OPRD1: variants seen among roughly 807,000 people sequenced by gnomAD.
OPRD1 encodes the protein opioid receptor delta 1.
OPRD1 carries 19 observed loss-of-function variants against 17.5 expected under a neutral mutation model. The ratio of observed to expected loss-of-function variants is 1.09; its 90% CI spans 0.76 to 1.60. The LOEUF (loss-of-function observed/expected upper bound fraction) is 1.60. Among genes scored for constraint, OPRD1 ranks in the 40% most tolerant of loss-of-function variants. The probability of loss-of-function intolerance (pLI) is 0.00; values close to 1 mark genes in which losing one functional copy is unlikely to be tolerated. For missense variants in OPRD1, 483 were observed against 547.2 expected (o/e 0.88, Z 1.17); for synonymous variants, 256 against 240.9 (o/e 1.06, Z -0.58).
intron 1 of OPRD1, among the ~76,000 whole-genome samples, chr1:28,839,429 A>C (rs1447522658): frequency 1.3e-5 from 2 of 152,184 alleles, no homozygotes; most frequent in Non-Finnish European, 2.9e-5. Flanking sequence ...TTGCATTTAT[A>C]GTGAGCAGCT....
chr1:28,849,501 CA>C (rs2088980584), intron 1 of OPRD1, among the ~76,000 whole-genome samples: 1 of 152,178 alleles, frequency 6.6e-6, no homozygotes, highest in South Asian at 2.1e-4. Flanking sequence ...CATACACACA[CA>C]CACATGCACA....
chr1:28,859,358 G>T, intron 2 of OPRD1, 55 bp downstream of exon 2: 1 of 1,456,640 alleles, frequency 6.9e-7, no homozygotes, highest in Non-Finnish European at 9.3e-7. Flanking sequence ...GGCAGTACAT[G>T]GGCCTTTGTG....
At chr1:28,814,484 TG>T (rs1008943994) in intron 1 of OPRD1, among the ~76,000 whole-genome samples, 3 of 152,180 alleles carry the variant, frequency 2.0e-5, no homozygotes, top group Admixed American at 2.0e-4. Context: ...AAGGTGGGCC[TG>T]AGAGTAGCTG....
intron 1 of OPRD1, among the ~76,000 whole-genome samples, chr1:28,843,146 C>T (rs1414752382): frequency 6.6e-6 from 1 of 152,070 alleles, no homozygotes. Flanking sequence ...GTGACTTGCT[C>T]AAGATCACTG....
chr1:28,850,837 G>A (rs970794748), intron 1 of OPRD1, among the ~76,000 whole-genome samples: 1 of 146,114 alleles, frequency 6.8e-6, no homozygotes, highest in South Asian at 2.2e-4. Flanking sequence ...ATAATAAAAG[G>A]TCAATGGAAG....
intron 1 of OPRD1, among the ~76,000 whole-genome samples, chr1:28,831,229 C>T (rs147217300): frequency 1.8e-4 from 28 of 152,214 alleles, no homozygotes; most frequent in African/African-American, 4.8e-4. Flanking sequence ...AGAGAGGGCT[C>T]GGCCTGGTGT....
At chr1:28,837,775 C>G (rs2088865425) in intron 1 of OPRD1, among the ~76,000 whole-genome samples, 1 of 150,808 alleles carries the variant, frequency 6.6e-6, no homozygotes, top group Admixed American at 6.7e-5. Flanking sequence ...CCTCCTACCT[C>G]AGCCTTCCAA....
intron 1 of OPRD1, among the ~76,000 whole-genome samples, chr1:28,835,797 G>A (rs1384708097): frequency 4.6e-5 from 7 of 152,200 alleles, no homozygotes; most frequent in African/African-American, 1.7e-4. Context: ...AGGAGTGTGG[G>A]TTCTGGAGTC....
At chr1:28,849,624 A>G (rs747015311) in intron 1 of OPRD1, among the ~76,000 whole-genome samples, 4 of 152,232 alleles carry the variant, frequency 2.6e-5, no homozygotes, top group Non-Finnish European at 4.4e-5. Context: ...ATTATATTAT[A>G]TATCACCAGA....
At chr1:28,852,843 C>T (rs566619898) in intron 1 of OPRD1, among the ~76,000 whole-genome samples, 112 of 152,096 alleles carry the variant, frequency 7.4e-4, no homozygotes, top group African/African-American at 2.5e-3. Context: ...CTTGGCCTCC[C>T]GAGTTGCTGA....
At chr1:28,858,332 T>C (rs1166598611) in intron 1 of OPRD1, among the ~76,000 whole-genome samples, 1 of 150,610 alleles carries the variant, frequency 6.6e-6, no homozygotes, top group Non-Finnish European at 1.5e-5. Context: ...GCCAGGATGG[T>C]CTCGATCTCC....
At position 28,854,234 on chromosome 1, in the gene OPRD1, G is replaced by A. The variant is rs139842820; in HGVS notation, c.228-4720G>A. ...AAATGGAAAGCCAGTTTAGGGAGCT[G>A]TTTGTTTTTAGACATGGGGTGTTGC... On this transcript the variant is annotated intron_variant, in intron 1 of 2. Transcript: ENST00000234961. Among the ~76,000 whole-genome samples, 196 of 151,896 alleles carry A rather than the reference G, an allele frequency of 1.3e-3. 1 individual carries two copies. The highest frequency in any genetic ancestry group is 3.4e-3 in the Middle Eastern group (1 of 292).
Position 28,870,742 on chromosome 1 carries a change from C to T in OPRD1, c.*7459C>T, listed in dbSNP as rs1278502506. The T allele has an allele frequency of 1.3e-5, 2 of 152,290 alleles. No individual in the cohort carries two copies. Among genetic ancestry groups the T allele is most frequent in the Non-Finnish European group, 2.9e-5 (2 of 68,092 alleles). The allele number at this position is 152,290 out of a possible 1,614,324, so 9.4% of individuals were successfully genotyped here. On this transcript the variant is annotated 3_prime_UTR_variant, in exon 3 of 3. Coordinates refer to ENST00000234961, the MANE Select transcript of OPRD1 (RefSeq NM_000911.4). ...CTCTCAGGGACCCAAGAGGAAGGGA[C>T]AGCCTGGAAAGGAAGAAGGTCCCGG...
chr1:28,821,956 CT>C (rs56145206), intron 1 of OPRD1, among the ~76,000 whole-genome samples: 182 of 146,364 alleles, frequency 1.2e-3, no homozygotes, highest in Middle Eastern at 3.5e-3. Context: ...TTATTTCTTT[CT>C]TTTTTTTTTT....
intron 1 of OPRD1, among the ~76,000 whole-genome samples, chr1:28,844,939 T>A (rs2124278228): frequency 6.6e-6 from 1 of 151,770 alleles, no homozygotes; most frequent in South Asian, 2.1e-4. Context: ...AGAGATGGGG[T>A]TTCAGCATGT....
chr1:28,862,214 T>G (rs74065128), intron 2 of OPRD1, among the ~76,000 whole-genome samples: 3,401 of 152,172 alleles, frequency 0.022, 122 homozygotes, highest in African/African-American at 0.074. Flanking sequence ...ACCGCACCTG[T>G]CCGCCTTAGC....
At chr1:28,860,978 C>A (rs1461451615) in intron 2 of OPRD1, among the ~76,000 whole-genome samples, 1 of 152,152 alleles carries the variant, frequency 6.6e-6, no homozygotes, top group East Asian at 1.9e-4. Flanking sequence ...GGGGCTGGAC[C>A]AGATGGGCCT....
At chr1:28,818,543 A>G (rs2088688539) in intron 1 of OPRD1, among the ~76,000 whole-genome samples, 1 of 152,186 alleles carries the variant, frequency 6.6e-6, no homozygotes, top group Non-Finnish European at 1.5e-5. Flanking sequence ...CCACAGGAGC[A>G]ATGATTCACC....
intron 1 of OPRD1, among the ~76,000 whole-genome samples, chr1:28,822,043 C>T (rs563286494): frequency 6.6e-6 from 1 of 151,978 alleles, no homozygotes; most frequent in East Asian, 1.9e-4. Context: ...CCTCCGCCTC[C>T]TGGGTTCAAG....
Sources: allele counts gnomAD v4.1 joint callset (sites outside exome capture counted in the v4.1 genomes callset), GRCh38; gene constraint gnomAD v4.1.1; transcripts MANE v1.5; gene names NCBI Gene and HGNC (gene_info 2026-07-23, HGNC 2026-07-21).